TXNRD1: variants seen among roughly 807,000 people sequenced by gnomAD.
TXNRD1 encodes thioredoxin reductase 1, cytoplasmic.
In TXNRD1, 57 loss-of-function variants were observed where a neutral mutation model predicts 80.3. The observed-to-expected ratio is 0.71, with a 90% CI of 0.57 to 0.89. The LOEUF is 0.89. Ranked by LOEUF, TXNRD1 falls within the 40% of genes least tolerant of loss-of-function variation. The pLI, the probability that TXNRD1 is intolerant of heterozygous loss-of-function variation, is 0.00. For synonymous variants in TXNRD1, 291 were observed against 285.2 expected (o/e 1.02, Z -0.20); for missense variants, 730 against 803.0 (o/e 0.91, Z 1.10).
rs1426008931 is a variant in TXNRD1, at chr12:104,311,429, TG to T, written c.537+18del. 4 of 1,608,938 alleles carry T rather than the reference TG, an allele frequency of 2.5e-6. No homozygotes were observed. The highest frequency in any genetic ancestry group is 1.3e-5 in the African/African-American group (1 of 74,660). On this transcript the variant is annotated intron_variant, in intron 5 of 16. Transcript: ENST00000525566. The stretch of plus-strand genomic sequence containing the variant: ...GCTGCTAAGGCAAGGCTCCTTGTGT[TG>T]TCTGTTGTCTGTTGTCTGGGTGGTG...
intron 3 of TXNRD1, among the ~76,000 whole-genome samples, chr12:104,271,032 TCTC>T (rs2033640350): frequency 6.6e-6 from 1 of 152,076 alleles, no homozygotes; most frequent in African/African-American, 2.4e-5. Context: ...AAGCCTGTAA[TCTC>T]AGCTACTCAG....
rs370065005 is a variant in TXNRD1, at chr12:104,325,368, G to A, written c.1247G>A (p.Arg416Gln). The A allele has an allele frequency of 1.3e-5, 21 of 1,613,218 alleles. No individual in the cohort carries two copies. Among genetic ancestry groups the A allele is most frequent in the Non-Finnish European group, 1.5e-5 (18 of 1,179,628 alleles). The change falls in exon 11 of 17, where the codon CGA becomes CAA. Residue 416 changes from arginine to glutamine, a missense_variant. By Grantham distance (43) the Arg-to-Gln change is conservative (BLOSUM62 1). Coordinates refer to ENST00000525566, the MANE Select transcript of TXNRD1 (RefSeq NM_001093771.3). The stretch of plus-strand genomic sequence containing the variant: ...CAAATTGAAGCAGGGACACCAGGCC[G>A]ACTCAGAGTAGTAGCTCAGTCCACC... Reference protein sequence around the residue: ...VEQIEAGTPGRLRVVAQSTNS... With the variant: ...VEQIEAGTPGQLRVVAQSTNS...
chr12:104,262,716 T>G (rs2033393344), intron 3 of TXNRD1: 1 of 152,432 alleles, frequency 6.6e-6, no homozygotes, highest in South Asian at 2.1e-4. Flanking sequence ...TACTAAGCAC[T>G]GGGAATACAG....
At chr12:104,242,235 G>A (rs191826132) in intron 1 of TXNRD1, among the ~76,000 whole-genome samples, 27 of 151,260 alleles carry the variant, frequency 1.8e-4, no homozygotes, top group African/African-American at 5.6e-4. Flanking sequence ...CACTGTGTCC[G>A]GCCTACTAAT....
At chr12:104,302,338 C>A (rs962142101) in intron 4 of TXNRD1, among the ~76,000 whole-genome samples, 1 of 151,122 alleles carries the variant, frequency 6.6e-6, no homozygotes, top group Non-Finnish European at 1.5e-5. Context: ...TAATTTACTT[C>A]CTGGTGCTAT....
chr12:104,226,198 C>T (rs1406610909), intron 1 of TXNRD1, among the ~76,000 whole-genome samples: 1 of 151,490 alleles, frequency 6.6e-6, no homozygotes, highest in Non-Finnish European at 1.5e-5. Context: ...GAAACTCTGT[C>T]TCAAAAAAAA....
chr12:104,243,574 A>G (rs781524211), intron 1 of TXNRD1, among the ~76,000 whole-genome samples: 1 of 152,210 alleles, frequency 6.6e-6, no homozygotes, highest in Non-Finnish European at 1.5e-5. Flanking sequence ...TGTGTTTGCC[A>G]TACTCCTTGA....
At chr12:104,289,765 T>A (rs1165114228) in intron 4 of TXNRD1, among the ~76,000 whole-genome samples, 2 of 151,690 alleles carry the variant, frequency 1.3e-5, no homozygotes, top group Non-Finnish European at 2.9e-5. Flanking sequence ...TCTTGCTCTG[T>A]CACCCAGAGT....
At chr12:104,269,357 T>C (rs4964752) in intron 3 of TXNRD1, among the ~76,000 whole-genome samples, 136,570 of 150,930 alleles carry the variant, frequency 0.9, 62,007 homozygotes, top group African/African-American at 0.97. Flanking sequence ...TCAGACTCTA[T>C]TTTTTGTGGG....
intron 1 of TXNRD1, among the ~76,000 whole-genome samples, chr12:104,227,497 C>T (rs113215478): frequency 1.1e-3 from 167 of 152,274 alleles, no homozygotes; most frequent in African/African-American, 3.9e-3. Context: ...AAACTCCTGG[C>T]ATCAAGCCAT....
chr12:104,294,864 C>T (rs184975021), intron 4 of TXNRD1, among the ~76,000 whole-genome samples: 25 of 152,340 alleles, frequency 1.6e-4, no homozygotes, highest in African/African-American at 4.6e-4. Flanking sequence ...AATAACTCTC[C>T]AACCATCCCC....
At chr12:104,252,657 AT>A (rs67054728) in intron 2 of TXNRD1, among the ~76,000 whole-genome samples, 15,306 of 37,218 alleles carry the variant, frequency 0.41, 3,147 homozygotes, top group Middle Eastern at 0.53. Context: ...TTAATTTATT[AT>A]TTTTTATATA....
intron 6 of TXNRD1, among the ~76,000 whole-genome samples, chr12:104,315,176 A>T (rs2035280212): frequency 6.6e-6 from 1 of 152,202 alleles, no homozygotes; most frequent in Non-Finnish European, 1.5e-5. Context: ...ACAATGGGGG[A>T]CTACATCCTG....
At chr12:104,288,896 C>G in intron 3 of TXNRD1, 35 bp from the exon 4 acceptor site, 3 of 1,613,926 alleles carry the variant, frequency 1.9e-6, no homozygotes, top group Non-Finnish European at 2.5e-6. Flanking sequence ...GGGAGAAGCA[C>G]CTTACACGCT....
At chr12:104,239,616 GGA>G in intron 1 of TXNRD1, among the ~76,000 whole-genome samples, 3 of 151,918 alleles carry the variant, frequency 2.0e-5, no homozygotes. Flanking sequence ...CAAGTAACTG[GGA>G]TTACAGGTAT....
intron 2 of TXNRD1, among the ~76,000 whole-genome samples, chr12:104,256,466 T>A (rs1053187752): frequency 3.3e-5 from 5 of 152,076 alleles, no homozygotes; most frequent in African/African-American, 9.7e-5. Flanking sequence ...GGGGCTTAGG[T>A]GACATCTAAA....
intron 1 of TXNRD1, among the ~76,000 whole-genome samples, chr12:104,245,685 G>C (rs1015383188): frequency 1.3e-5 from 2 of 149,342 alleles, no homozygotes; most frequent in African/African-American, 4.9e-5. Context: ...GGCCATTTGA[G>C]TAGTTTTTGA....
At chr12:104,311,509 T>C in intron 5 of TXNRD1, 97 bp downstream of exon 5, 1 of 1,460,158 alleles carries the variant, frequency 6.8e-7, no homozygotes, top group Admixed American at 2.3e-5. Context: ...TGGAATTTAT[T>C]TGATCCACTC....
At chr12:104,230,218 G>A (rs1565853544) in intron 1 of TXNRD1, among the ~76,000 whole-genome samples, 1 of 151,598 alleles carries the variant, frequency 6.6e-6, no homozygotes, top group Non-Finnish European at 1.5e-5. Flanking sequence ...ACAGGTGCAT[G>A]CCACCACGCC....
Sources: allele counts gnomAD v4.1 joint callset (sites outside exome capture counted in the v4.1 genomes callset), GRCh38; gene constraint gnomAD v4.1.1; transcripts MANE v1.5; gene names NCBI Gene and HGNC (gene_info 2026-07-23, HGNC 2026-07-21).